The following SF3A3 variants were observed in gnomAD, a reference collection of about 807,000 sequenced individuals.
The protein encoded by SF3A3 is splicing factor 3a subunit 3, also known as SAP 61.
In SF3A3, 9 loss-of-function variants were observed where a neutral mutation model predicts 85.8. The observed-to-expected ratio is 0.10, with a 90% CI of 0.06 to 0.18. The LOEUF is 0.18. Among genes scored for constraint, SF3A3 ranks in the 10% least tolerant of loss-of-function variants. SF3A3 has a pLI of 1.00. For synonymous variants in SF3A3, 195 were observed against 204.4 expected, an observed-to-expected ratio of 0.95 and a Z score of 0.39; for missense variants, 306 against 593.3, an observed-to-expected ratio of 0.52 and a Z score of 5.03.
chr1:37,981,692 C>G (rs371615333), intron 7 of SF3A3, 37 bp downstream of exon 7: 29 of 1,264,920 alleles, frequency 2.3e-5, no homozygotes, highest in African/African-American at 8.9e-5. Context: ...ATCTTCTAAT[C>G]AAATCCAGGA....
At chr1:37,970,966 C>T (rs1646341135) in intron 12 of SF3A3, among the ~76,000 whole-genome samples, 1 of 152,026 alleles carries the variant, frequency 6.6e-6, no homozygotes, top group Non-Finnish European at 1.5e-5. Context: ...CAAGAGCAAA[C>T]ACATTCAAAA....
chr1:37,964,795 T>G (rs1260402246), intron 15 of SF3A3, among the ~76,000 whole-genome samples: 2 of 152,212 alleles, frequency 1.3e-5, no homozygotes, highest in Non-Finnish European at 2.9e-5. Flanking sequence ...CAAGAGGTAT[T>G]TTGCTGCTGT....
At chr1:37,979,945 C>T (rs1486288812) in intron 8 of SF3A3, among the ~76,000 whole-genome samples, 1 of 152,220 alleles carries the variant, frequency 6.6e-6, no homozygotes, top group Non-Finnish European at 1.5e-5. Flanking sequence ...TCCACATTCT[C>T]TCCCTGGAGA....
At chr1:37,987,985 C>T (rs1030048665) in intron 2 of SF3A3, 149 bp from the exon 3 acceptor site, 1 of 684,508 alleles carries the variant, frequency 1.5e-6, no homozygotes, top group Admixed American at 2.4e-5. Flanking sequence ...TTCCTAGTAC[C>T]TTTAACAGCC....
intron 7 of SF3A3, among the ~76,000 whole-genome samples, chr1:37,981,012 G>T (rs1018287387): frequency 2.0e-5 from 3 of 151,810 alleles, no homozygotes; most frequent in African/African-American, 7.3e-5. Context: ...ACCATGCCCG[G>T]CTAATTTTGT....
At chr1:37,976,566 G>A (rs1172875180) in intron 12 of SF3A3, among the ~76,000 whole-genome samples, 1 of 152,092 alleles carries the variant, frequency 6.6e-6, no homozygotes, top group African/African-American at 2.4e-5. Context: ...CCCTTTGAGT[G>A]TCTGCTTTGT....
At chr1:37,979,167 C>T (rs1646399570) in intron 9 of SF3A3, 112 bp from the exon 10 acceptor site, 1 of 827,822 alleles carries the variant, frequency 1.2e-6, no homozygotes, top group African/African-American at 1.7e-5. Flanking sequence ...ACACATTTCA[C>T]AGCCAATCTA....
chr1:37,977,521 G>A (rs1646386733), intron 11 of SF3A3, among the ~76,000 whole-genome samples: 1 of 152,060 alleles, frequency 6.6e-6, no homozygotes. Context: ...CGCCAACATG[G>A]TGAAACCCTC....
At chr1:37,985,846 G>A (rs1646452547) in intron 4 of SF3A3, among the ~76,000 whole-genome samples, 1 of 151,544 alleles carries the variant, frequency 6.6e-6, no homozygotes, top group Non-Finnish European at 1.5e-5. Flanking sequence ...TCTATTTTTT[G>A]CTGTTTTTAG....
At chr1:37,976,831 C>A in intron 12 of SF3A3, 53 bp downstream of exon 12, 1 of 1,140,688 alleles carries the variant, frequency 8.8e-7, no homozygotes, top group Non-Finnish European at 1.3e-6. Context: ...GTTCCTCTCC[C>A]TTTAACTCCT....
intron 12 of SF3A3, 49 bp from the exon 13 acceptor site, chr1:37,969,784 A>G: frequency 4.4e-6 from 7 of 1,589,694 alleles, no homozygotes; most frequent in Non-Finnish European, 6.0e-6. Flanking sequence ...GTGCAGAATA[A>G]GAAGGGAAAT....
At chr1:37,973,602 G>A (rs1354143988) in intron 12 of SF3A3, among the ~76,000 whole-genome samples, 2 of 152,234 alleles carry the variant, frequency 1.3e-5, no homozygotes, top group African/African-American at 4.8e-5. Flanking sequence ...AGAGGATGTG[G>A]AGAAACAGGA....
chr1:37,975,740 T>C (rs1646375008), intron 12 of SF3A3, among the ~76,000 whole-genome samples: 1 of 152,158 alleles, frequency 6.6e-6, no homozygotes, highest in African/African-American at 2.4e-5. Context: ...ATTATACGAA[T>C]GGTCCTCAAA....
chr1:37,978,820 C>T lies in SF3A3; in HGVS notation c.835G>A (p.Glu279Lys), dbSNP rs1440768256. ...ALGLKCGGTLEERAQRLFSTK... is the reference protein window; with the variant it reads ...ALGLKCGGTLKERAQRLFSTK... ...CTGAATAGTCTCTGGGCTCGCTCTT[C>T]TAGGGTCCTAAGGAGACAGGACGGC... The change falls in exon 11 of 17, where the codon GAA (glutamate) becomes AAA (lysine). Residue 279 changes from glutamate to lysine, a missense_variant. Glu to Lys is a moderately conservative substitution (Grantham distance 56). This residue lies in a region of SF3A3 where 136 missense variants were observed against 296.6 expected (regional missense o/e 0.46). Transcript: ENST00000373019. The T allele has an allele frequency of 3.2e-6, 5 of 1,574,138 alleles. No homozygotes were observed. The highest frequency in any genetic ancestry group is 1.4e-5 in the African/African-American group (1 of 74,022).
chr1:37,984,914 T>C, intron 4 of SF3A3, 135 bp from the exon 5 acceptor site: 1 of 680,032 alleles, frequency 1.5e-6, no homozygotes, highest in South Asian at 1.7e-5. Context: ...TTCAAGCGAT[T>C]GTCCTGCCTC....
intron 15 of SF3A3, among the ~76,000 whole-genome samples, chr1:37,966,935 CAAAAAAAA>C (rs11394683): frequency 2.1e-4 from 3 of 14,170 alleles, no homozygotes; most frequent in African/African-American, 2.1e-3. Flanking sequence ...AACTCCATCT[CAAAAAAAA>C]AAAAAAAAAA....
intron 4 of SF3A3, among the ~76,000 whole-genome samples, chr1:37,987,317 G>A (rs998350866): frequency 1.3e-5 from 2 of 152,184 alleles, no homozygotes; most frequent in Admixed American, 1.3e-4. Flanking sequence ...GACCTCAGGT[G>A]ATCCACCCAC....
chr1:37,983,256 TAA>T (rs71057113), intron 6 of SF3A3, among the ~76,000 whole-genome samples: 96,870 of 121,298 alleles, frequency 0.8, 38,919 homozygotes, highest in East Asian at 0.98. Context: ...GGTATTTATT[TAA>T]AAAAAAAAAA....
intron 8 of SF3A3, among the ~76,000 whole-genome samples, chr1:37,980,044 A>G (rs1263774645): frequency 6.6e-6 from 1 of 152,162 alleles, no homozygotes; most frequent in Admixed American, 6.6e-5. Context: ...CAGGAACCAC[A>G]TAGCAGTAAT....
Sources: allele counts gnomAD v4.1 joint callset (sites outside exome capture counted in the v4.1 genomes callset), GRCh38; gene constraint gnomAD v4.1.1; regional missense constraint gnomAD v4.1.1; transcripts MANE v1.5; gene names NCBI Gene and HGNC (gene_info 2026-07-23, HGNC 2026-07-21).